The following PPP4R3B variants were observed in gnomAD, a reference collection of about 807,000 sequenced individuals.
PPP4R3B encodes the protein protein phosphatase 4 regulatory subunit 3B.
A neutral mutation model predicts 95.4 loss-of-function variants in PPP4R3B; 52 were observed. The ratio of observed to expected loss-of-function variants is 0.54; its 90% CI spans 0.44 to 0.69. The LOEUF is 0.69. Ranked by LOEUF, PPP4R3B falls within the 30% of genes least tolerant of loss-of-function variation. The pLI is 0.00. For synonymous variants in PPP4R3B, 407 were observed against 343.9 expected, an observed-to-expected ratio of 1.18 and a Z score of -2.03; for missense variants, 1,003 against 1,005.9, an observed-to-expected ratio of 1.00 and a Z score of 0.04.
intron 2 of PPP4R3B, among the ~76,000 whole-genome samples, chr2:55,607,813 T>C (rs1693628174): frequency 6.6e-6 from 1 of 152,182 alleles, no homozygotes; most frequent in Non-Finnish European, 1.5e-5. Flanking sequence ...GATCTATAGA[T>C]AGTACTATCT....
intron 3 of PPP4R3B, among the ~76,000 whole-genome samples, chr2:55,600,749 A>T (rs369631832): frequency 2.4e-4 from 37 of 152,270 alleles, no homozygotes; most frequent in African/African-American, 8.4e-4. Context: ...ATAAAAATCA[A>T]TGACAAAGAA....
At chr2:55,584,318 T>C (rs1416392001) in intron 7 of PPP4R3B, among the ~76,000 whole-genome samples, 1 of 152,132 alleles carries the variant, frequency 6.6e-6, no homozygotes, top group Non-Finnish European at 1.5e-5. Context: ...AACACAATAT[T>C]GGTCTCATTA....
chr2:55,570,654 C>T (rs977321134), intron 12 of PPP4R3B, among the ~76,000 whole-genome samples: 2 of 152,268 alleles, frequency 1.3e-5, no homozygotes, highest in East Asian at 1.9e-4. Context: ...TTTTATAAGT[C>T]ATTTTCTCAT....
chr2:55,598,318 A>C (rs1371552206), intron 4 of PPP4R3B, 98 bp downstream of exon 4: 1 of 1,243,204 alleles, frequency 8.0e-7, no homozygotes, highest in Non-Finnish European at 1.1e-6. Flanking sequence ...TAAACAAAAT[A>C]AATCTTTCAA....
chr2:55,564,606 CTA>C, intron 14 of PPP4R3B, 109 bp from the exon 15 acceptor site: 2 of 943,116 alleles, frequency 2.1e-6, no homozygotes, highest in South Asian at 3.8e-5. Context: ...TTTTAACTGA[CTA>C]TAATTTATAT....
chr2:55,562,184 G>C (rs1485834939), intron 15 of PPP4R3B, among the ~76,000 whole-genome samples: 1 of 152,178 alleles, frequency 6.6e-6, no homozygotes, highest in Non-Finnish European at 1.5e-5. Flanking sequence ...CACTTTGGGA[G>C]GCCAAAGTGG....
chr2:55,553,063 C>T (rs935743434), intron 16 of PPP4R3B, among the ~76,000 whole-genome samples: 5 of 152,164 alleles, frequency 3.3e-5, no homozygotes, highest in African/African-American at 1.2e-4. Context: ...GTTCCTCCAC[C>T]ATCACCAACT....
At chr2:55,579,449 G>A (rs376015130) in intron 9 of PPP4R3B, among the ~76,000 whole-genome samples, 10 of 151,424 alleles carry the variant, frequency 6.6e-5, no homozygotes, top group African/African-American at 2.2e-4. Flanking sequence ...AGAAACTTCC[G>A]TAGCAACAAA....
At chr2:55,608,111 T>C (rs1572729781) in intron 2 of PPP4R3B, among the ~76,000 whole-genome samples, 1 of 152,176 alleles carries the variant, frequency 6.6e-6, no homozygotes, top group East Asian at 1.9e-4. Flanking sequence ...TTCAAGTGAT[T>C]CTCCTGCCTC....
In PPP4R3B at chr2:55,598,893, T is replaced by C. The variant is rs1042419972; in HGVS notation, c.444A>G (p.Leu148=). ...TAGGTGAGGAGAGCACTGAGGTAAC[T>C]AAGTCAGCAATCTCTTCAAGTTTAT... ...ELNKLEEIAD[L]VTSVLSSPIR... The change falls in exon 4 of 17, where the codon TTA becomes TTG. Residue 148 remains leucine (L), a synonymous_variant. Coordinates refer to ENST00000616407, the MANE Select transcript of PPP4R3B (RefSeq NM_001122964.3). 11 of 1,614,090 alleles carry C rather than the reference T, an allele frequency of 6.8e-6. No homozygotes were observed. Among genetic ancestry groups the C allele is most frequent in the Non-Finnish European group, 9.3e-6 (11 of 1,180,034 alleles).
Position 55,617,387 on chromosome 2 carries a change from G to A in PPP4R3B, c.-102C>T. The A allele has an allele frequency of 4.5e-6, 6 of 1,341,650 alleles. No individual in the cohort carries two copies. Among genetic ancestry groups the A allele is most frequent in the Non-Finnish European group, 4.9e-6 (5 of 1,030,638 alleles). The allele number at this position is 1,341,650 out of a possible 1,614,324, so 83.1% of individuals were successfully genotyped here. A position where few individuals can be genotyped will look rare whatever the true frequency, so the allele number is the denominator to read the frequency against. On this transcript the variant is annotated 5_prime_UTR_variant, in exon 1 of 17. Coordinates refer to ENST00000616407, the MANE Select transcript of PPP4R3B (RefSeq NM_001122964.3). ...TAAAGGCAGTAGTGGCGGTGGCGGC[G>A]GCGGCGGCTTCGGAGAGGCCCGAAT...
intron 4 of PPP4R3B, among the ~76,000 whole-genome samples, chr2:55,595,105 A>G (rs572458423): frequency 6.7e-6 from 1 of 149,348 alleles, no homozygotes; most frequent in East Asian, 2.0e-4. Context: ...GCTCACTGCA[A>G]CCTCCGCCTC....
chr2:55,605,937 T>C (rs979101774), intron 2 of PPP4R3B, among the ~76,000 whole-genome samples: 5 of 150,062 alleles, frequency 3.3e-5, no homozygotes, highest in Non-Finnish European at 7.4e-5. Context: ...AATCCTTCAG[T>C]TTCTCTCATC....
At chr2:55,572,432 T>C (rs1323685049) in intron 12 of PPP4R3B, among the ~76,000 whole-genome samples, 1 of 152,128 alleles carries the variant, frequency 6.6e-6, no homozygotes, top group African/African-American at 2.4e-5. Context: ...AAAAGATAAC[T>C]GGCAATTCAC....
intron 15 of PPP4R3B, among the ~76,000 whole-genome samples, chr2:55,563,539 A>G (rs1686892637): frequency 6.6e-6 from 1 of 151,884 alleles, no homozygotes. Flanking sequence ...TGCCCATTTA[A>G]TTTTTGTGTT....
intron 16 of PPP4R3B, among the ~76,000 whole-genome samples, 175 bp downstream of exon 16, chr2:55,558,600 C>G (rs1044413083): frequency 7.9e-5 from 12 of 152,200 alleles, no homozygotes; most frequent in African/African-American, 1.4e-4. Context: ...GAGTGAGACT[C>G]TGTCTCAAAA....
At chr2:55,556,817 A>G (rs1685905001) in intron 16 of PPP4R3B, among the ~76,000 whole-genome samples, 1 of 152,112 alleles carries the variant, frequency 6.6e-6, no homozygotes, top group Non-Finnish European at 1.5e-5. Context: ...TGTTAATCCT[A>G]ACACTGTGGG....
intron 2 of PPP4R3B, among the ~76,000 whole-genome samples, chr2:55,609,144 AC>A (rs1402678510): frequency 6.6e-6 from 1 of 152,108 alleles, no homozygotes; most frequent in Non-Finnish European, 1.5e-5. Context: ...AAAGGAGGTT[AC>A]CTTGTAGCTA....
chr2:55,597,075 C>T (rs1049555375), intron 4 of PPP4R3B, among the ~76,000 whole-genome samples: 1 of 152,174 alleles, frequency 6.6e-6, no homozygotes, highest in African/African-American at 2.4e-5. Flanking sequence ...TGGGGAGTTA[C>T]TGTTCAATGG....
Sources: gnomAD v4.1 joint callset for allele counts (sites outside exome capture counted in the v4.1 genomes callset) on GRCh38, gnomAD v4.1.1 for gene constraint, MANE v1.5 for transcripts, NCBI Gene and HGNC (gene_info 2026-07-23, HGNC 2026-07-21) for gene names.